Variants in HYCC1 observed in about 807,000 individuals in gnomAD.
The protein encoded by HYCC1 is hyccin PI4KA lipid kinase complex subunit 1, also known as hyccin.
the HYCC1 span, among the ~76,000 whole-genome samples, chr7:22,955,879 A>G: frequency 1.3e-5 from 2 of 151,780 alleles, no homozygotes; most frequent in African/African-American, 2.4e-5. Context: ...GAATGACTAT[A>G]GAATTAAAGC....
chr7:23,013,590 G>A, the HYCC1 span, among the ~76,000 whole-genome samples: 8 of 152,208 alleles, frequency 5.3e-5, no homozygotes, highest in African/African-American at 1.9e-4. Context: ...GTCACAGCAG[G>A]AGGCTGGACT....
the HYCC1 span, chr7:22,991,219 TAA>T: frequency 1.1e-6 from 1 of 910,160 alleles, no homozygotes; most frequent in Non-Finnish European, 1.7e-6. Context: ...GATAATCCTA[TAA>T]AGTTTTTACT....
the HYCC1 span, chr7:22,946,096 G>A: frequency 6.2e-7 from 1 of 1,613,080 alleles, no homozygotes. Flanking sequence ...ACGCAGCCCT[G>A]GAATAAAATC....
the HYCC1 span, chr7:22,960,451 G>T: frequency 6.7e-7 from 1 of 1,489,954 alleles, no homozygotes; most frequent in Admixed American, 1.7e-5. Flanking sequence ...ATCAACATGA[G>T]CAGATAGAGC....
the HYCC1 span, among the ~76,000 whole-genome samples, chr7:22,956,941 T>A: frequency 6.6e-6 from 1 of 152,022 alleles, no homozygotes; most frequent in African/African-American, 2.4e-5. Flanking sequence ...AAACTTCCAT[T>A]ATAATACTTT....
the HYCC1 span, among the ~76,000 whole-genome samples, chr7:22,989,996 A>G: frequency 2.6e-5 from 4 of 152,228 alleles, no homozygotes; most frequent in African/African-American, 9.6e-5. Context: ...ATCAGTAAGA[A>G]CAAAACATCC....
At chr7:22,967,027 G>A in the HYCC1 span, among the ~76,000 whole-genome samples, 4 of 152,090 alleles carry the variant, frequency 2.6e-5, no homozygotes, top group South Asian at 2.1e-4. Flanking sequence ...GTTATGATAG[G>A]GATGATTGTA....
chr7:22,943,105 C>A, the HYCC1 span: 1 of 152,126 alleles, frequency 6.6e-6, no homozygotes, highest in Non-Finnish European at 1.5e-5. Flanking sequence ...GCATTTACAG[C>A]TCTGATTCCA....
At chr7:22,982,118 A>C in the HYCC1 span, among the ~76,000 whole-genome samples, 1 of 152,180 alleles carries the variant, frequency 6.6e-6, no homozygotes, top group Non-Finnish European at 1.5e-5. Flanking sequence ...GTTAAAAAAC[A>C]TAAAGCGTAT....
the HYCC1 span, among the ~76,000 whole-genome samples, chr7:22,999,710 T>G: frequency 2.0e-5 from 3 of 152,154 alleles, no homozygotes; most frequent in African/African-American, 4.8e-5. Flanking sequence ...ATTGCAACAT[T>G]AATAATTCAG....
At chr7:22,934,234 T>TTTTTC in the HYCC1 span, 7 of 122,430 alleles carry the variant, frequency 5.7e-5, no homozygotes, top group African/African-American at 1.3e-4. Flanking sequence ...TTTTTTTTTT[T>TTTTTC]CCCTCTCTGA....
At chr7:22,902,339 A>G in the HYCC1 span, among the ~76,000 whole-genome samples, 1 of 140,048 alleles carries the variant, frequency 7.1e-6, no homozygotes, top group South Asian at 2.3e-4. Context: ...ATAGTTTTAA[A>G]TTAATGATTA....
the HYCC1 span, among the ~76,000 whole-genome samples, chr7:23,001,514 A>G: frequency 6.6e-6 from 1 of 152,170 alleles, no homozygotes; most frequent in South Asian, 2.1e-4. Flanking sequence ...GAAAAGTAGG[A>G]TATTTTCATT....
chr7:22,976,866 T>A, the HYCC1 span: 2 of 931,590 alleles, frequency 2.1e-6, no homozygotes, highest in Non-Finnish European at 3.5e-6. Context: ...AAAGGTGATA[T>A]ATAGAATATA....
At chr7:22,980,489 T>C in the HYCC1 span, among the ~76,000 whole-genome samples, 4 of 152,260 alleles carry the variant, frequency 2.6e-5, no homozygotes, top group South Asian at 6.2e-4. Context: ...AATTCATTCA[T>C]AAGTAACAAG....
the HYCC1 span, among the ~76,000 whole-genome samples, chr7:22,897,792 T>TTATA: frequency 6.6e-6 from 1 of 151,666 alleles, no homozygotes; most frequent in East Asian, 1.9e-4. Context: ...TTTTTAAAAT[T>TTATA]TATTTATTTA....
chr7:22,910,380 A>G, the HYCC1 span, among the ~76,000 whole-genome samples: 1 of 152,144 alleles, frequency 6.6e-6, no homozygotes, highest in Non-Finnish European at 1.5e-5. Flanking sequence ...ACCTTTCACC[A>G]TAATTGTAAA....
chr7:22,975,201 TTTTG>T, the HYCC1 span, among the ~76,000 whole-genome samples: 53,394 of 151,682 alleles, frequency 0.35, 9,376 homozygotes, highest in East Asian at 0.47. Flanking sequence ...AATCTGTCAT[TTTTG>T]TTTGTTTTGT....
At chr7:22,911,142 C>A in the HYCC1 span, among the ~76,000 whole-genome samples, 1 of 152,066 alleles carries the variant, frequency 6.6e-6, no homozygotes, top group Non-Finnish European at 1.5e-5. Context: ...GAGTTCTTAC[C>A]ATTGTATGAT....
Sources: gnomAD v4.1 joint callset for allele counts (sites outside exome capture counted in the v4.1 genomes callset) on GRCh38, gnomAD v4.1.1 for gene constraint, MANE v1.5 for transcripts, NCBI Gene and HGNC (gene_info 2026-07-23, HGNC 2026-07-21) for gene names.